Variants in GRIA3 observed in about 807,000 individuals in gnomAD.
The protein encoded by GRIA3 is glutamate receptor 3.
A neutral mutation model predicts 63.0 loss-of-function variants in GRIA3; 3 were observed. That is an observed-to-expected ratio of 0.05 (90% CI 0.02 to 0.12). GRIA3 has a LOEUF of 0.12. Ranked by LOEUF, GRIA3 falls within the 10% of genes least tolerant of loss-of-function variation. The probability of loss-of-function intolerance (pLI) is 1.00; values close to 1 mark genes in which losing one functional copy is unlikely to be tolerated. For missense variants in GRIA3, 347 were observed against 700.9 expected, an observed-to-expected ratio of 0.50 and a Z score of 5.70; for synonymous variants, 274 against 257.9, an observed-to-expected ratio of 1.06 and a Z score of -0.60.
chrX:123,437,536 C>G (rs1181890032), intron 12 of GRIA3, among the ~76,000 whole-genome samples: 1 of 105,462 alleles, frequency 9.5e-6, no homozygotes, highest in Non-Finnish European at 2.0e-5. Context: ...AGTACAAAGT[C>G]CTGGGGCAGA....
At chrX:123,384,200 T>A (rs184886687) in intron 5 of GRIA3, among the ~76,000 whole-genome samples, 46 of 112,479 alleles carry the variant, frequency 4.1e-4, no homozygotes, top group African/African-American at 1.5e-3. Flanking sequence ...ACGATTTATA[T>A]TCCTCTGGAT....
At chrX:123,455,395 A>G (rs779888959) in intron 12 of GRIA3, among the ~76,000 whole-genome samples, 1 of 112,289 alleles carries the variant, frequency 8.9e-6, no homozygotes, top group African/African-American at 3.2e-5. Flanking sequence ...GCCTTGCTCC[A>G]AATCAAAATG....
At chrX:123,465,850 T>C in intron 13 of GRIA3, 1 of 786,013 alleles carries the variant, frequency 1.3e-6, no homozygotes, top group East Asian at 3.2e-5. Context: ...AAGACTGTTA[T>C]CTTATTATTG....
intron 4 of GRIA3, among the ~76,000 whole-genome samples, chrX:123,351,164 G>A (rs1340648013): frequency 8.9e-6 from 1 of 111,996 alleles, no homozygotes; most frequent in Non-Finnish European, 1.9e-5. Context: ...AAGTAACTGA[G>A]GGTACAATTT....
At chrX:123,380,553 T>C (rs1428157553) in intron 5 of GRIA3, among the ~76,000 whole-genome samples, 1 of 111,930 alleles carries the variant, frequency 8.9e-6, no homozygotes, top group Non-Finnish European at 1.9e-5. Context: ...TAGCCCTTTG[T>C]CAGACGAGTA....
intron 12 of GRIA3, among the ~76,000 whole-genome samples, chrX:123,463,684 G>GAAAGAAAGAAAGAA (rs1450137968): frequency 1.8e-5 from 1 of 54,090 alleles, no homozygotes; most frequent in East Asian, 5.4e-4. Context: ...AAGAAAGAAA[G>GAAAGAAAGAAAGAA]AGAGAGAAAG....
rs757425167 is a variant in GRIA3 at position 123,366,067 on chromosome X, C to T, written c.750+11104C>T. ...CCACGGCATTTGTAAACTGTCATGG[C>T]GCTGGTGGGAGTGTAGCAATGAGGA... On this transcript the variant is annotated intron_variant, in intron 5 of 15. Transcript: ENST00000620443. Among the ~76,000 whole-genome samples, 108 of 111,531 alleles carry T rather than the reference C, an allele frequency of 9.7e-4. 1 individual carries two copies. The highest frequency in any genetic ancestry group is 1.6e-3 in the Admixed American group (17 of 10,556).
intron 2 of GRIA3, among the ~76,000 whole-genome samples, chrX:123,188,592 T>C (rs1459176967): frequency 9.0e-6 from 1 of 111,083 alleles, no homozygotes; most frequent in East Asian, 2.8e-4. Flanking sequence ...TCTGGAGACC[T>C]AGGGAGAATT....
At chrX:123,316,060 G>T (rs1352928612) in intron 3 of GRIA3, among the ~76,000 whole-genome samples, 2 of 106,499 alleles carry the variant, frequency 1.9e-5, no homozygotes, top group Non-Finnish European at 3.8e-5. Context: ...GTGATTTTTT[G>T]ATGAAAAAGA....
At chrX:123,472,709 C>T (rs1277115237) in intron 13 of GRIA3, among the ~76,000 whole-genome samples, 1 of 111,514 alleles carries the variant, frequency 9.0e-6, no homozygotes, top group Non-Finnish European at 1.9e-5. Flanking sequence ...GGGTCTACTG[C>T]TCTGTATTTG....
At chrX:123,295,564 C>T (rs1182568371) in intron 3 of GRIA3, among the ~76,000 whole-genome samples, 1 of 110,728 alleles carries the variant, frequency 9.0e-6, no homozygotes, top group African/African-American at 3.3e-5. Context: ...ATAGCACATT[C>T]GGAAGTGTTC....
intron 5 of GRIA3, among the ~76,000 whole-genome samples, chrX:123,381,036 G>A (rs1214020070): frequency 1.8e-5 from 2 of 111,726 alleles, no homozygotes; most frequent in Non-Finnish European, 3.8e-5. Context: ...TGAAATAGAT[G>A]TAAGAGGTTG....
At chrX:123,304,558 C>T (rs1337663220) in intron 3 of GRIA3, among the ~76,000 whole-genome samples, 2 of 111,443 alleles carry the variant, frequency 1.8e-5, no homozygotes, top group Admixed American at 9.6e-5. Context: ...TGCCAAAGAC[C>T]AGGGAACAGT....
At chrX:123,468,517 A>C (rs1161839065) in intron 13 of GRIA3, among the ~76,000 whole-genome samples, 1 of 112,496 alleles carries the variant, frequency 8.9e-6, no homozygotes, top group Non-Finnish European at 1.9e-5. Flanking sequence ...TGTTAGAAGC[A>C]CTTATTAGAT....
chrX:123,386,547 A>C (rs1025759674), intron 5 of GRIA3, among the ~76,000 whole-genome samples: 25 of 111,315 alleles, frequency 2.2e-4, no homozygotes, highest in African/African-American at 6.8e-4. Flanking sequence ...TAATGTCCTG[A>C]AGTGCTTCCC....
At chrX:123,467,766 A>G (rs2045842354) in intron 13 of GRIA3, among the ~76,000 whole-genome samples, 1 of 112,113 alleles carries the variant, frequency 8.9e-6, no homozygotes, top group Admixed American at 9.5e-5. Context: ...ACAAACAAAA[A>G]AATCTGCACA....
intron 4 of GRIA3, among the ~76,000 whole-genome samples, chrX:123,341,543 GT>G (rs1240650527): frequency 1.8e-5 from 2 of 111,787 alleles, no homozygotes; most frequent in Non-Finnish European, 3.8e-5. Flanking sequence ...GTAATTTCAA[GT>G]AAAAGATCTA....
chrX:123,214,647 A>G (rs977737021), intron 2 of GRIA3, among the ~76,000 whole-genome samples: 4 of 112,065 alleles, frequency 3.6e-5, no homozygotes, highest in African/African-American at 1.3e-4. Context: ...AGGGCCCACA[A>G]GATGATTTTG....
intron 5 of GRIA3, among the ~76,000 whole-genome samples, chrX:123,361,743 C>G (rs2045176072): frequency 9.0e-6 from 1 of 111,074 alleles, no homozygotes; most frequent in Non-Finnish European, 1.9e-5. Context: ...AAGATCATTT[C>G]CTACCCAATG....
Sources: allele counts gnomAD v4.1 joint callset (sites outside exome capture counted in the v4.1 genomes callset), GRCh38; gene constraint gnomAD v4.1.1; transcripts MANE v1.5; gene names NCBI Gene and HGNC (gene_info 2026-07-23, HGNC 2026-07-21).